Variants in PRRX1 observed in about 807,000 individuals in gnomAD.
The protein encoded by PRRX1 is paired mesoderm homeobox protein 1.
A neutral mutation model predicts 24.0 loss-of-function variants in PRRX1; 8 were observed. The observed-to-expected ratio is 0.33, with a 90% confidence interval of 0.20 to 0.60. The LOEUF is 0.60. PRRX1 is among the 20% of genes least tolerant of loss of function. The pLI is 0.82. For synonymous variants in PRRX1, 160 were observed against 131.7 expected (o/e 1.22, Z -1.47); for missense variants, 281 against 322.4 (o/e 0.87, Z 0.98).
chr1:170,723,156 T>G (rs916654427), intron 2 of PRRX1, among the ~76,000 whole-genome samples: 4 of 152,220 alleles, frequency 2.6e-5, no homozygotes, highest in Non-Finnish European at 4.4e-5. Context: ...AAGAGCAATG[T>G]GAAGGCACAT....
intron 1 of PRRX1, among the ~76,000 whole-genome samples, chr1:170,670,476 G>A (rs1375189200): frequency 6.6e-6 from 1 of 152,108 alleles, no homozygotes; most frequent in East Asian, 1.9e-4. Context: ...AGTCATTAGT[G>A]GTTCAGGGTT....
Position 170,664,159 on chromosome 1 carries a change from C to A in PRRX1, c.-60C>A. ...CGGCTCCTCTCCCCCCTCGCGCCCACAGCGTTTGGTGTTGATTCGAGCGGG... is the reference window on the plus strand; with the variant it reads ...CGGCTCCTCTCCCCCCTCGCGCCCAAAGCGTTTGGTGTTGATTCGAGCGGG... On this transcript the variant is annotated 5_prime_UTR_variant, in exon 1 of 4. Transcript: ENST00000239461. 3 of 1,551,662 alleles carry A rather than the reference C, an allele frequency of 1.9e-6. No individual in the cohort carries two copies. The highest frequency in any genetic ancestry group is 2.6e-6 in the Non-Finnish European group (3 of 1,146,652).
rs926806804 is a variant in PRRX1, at chr1:170,691,899, A to AG, written c.241+27444dup. Among the ~76,000 whole-genome samples, 122 of 152,202 alleles carry AG rather than the reference A, an allele frequency of 8.0e-4. 1 individual carries two copies. The highest frequency in any genetic ancestry group is 2.5e-4 in the Non-Finnish European group (17 of 68,000). On this transcript the variant is annotated intron_variant, in intron 1 of 3. Coordinates refer to ENST00000239461, the MANE Select transcript of PRRX1 (RefSeq NM_022716.4). The stretch of plus-strand genomic sequence containing the variant: ...CACTATGGGGCCTTCTGTTAGGGTG[A>AG]GGGGAAGCAGTGTTCTCTAAGCCTG...
chr1:170,688,533 C>T (rs747262460), intron 1 of PRRX1, among the ~76,000 whole-genome samples: 1 of 151,546 alleles, frequency 6.6e-6, no homozygotes, highest in Non-Finnish European at 1.5e-5. Context: ...ATTTATTTAC[C>T]AATAAAATTT....
intron 1 of PRRX1, among the ~76,000 whole-genome samples, chr1:170,680,358 T>A (rs1253014641): frequency 6.6e-6 from 1 of 152,140 alleles, no homozygotes; most frequent in African/African-American, 2.4e-5. Context: ...CTTGTAGAGA[T>A]GTGAAGGGGC....
At chr1:170,681,308 C>T (rs957010150) in intron 1 of PRRX1, among the ~76,000 whole-genome samples, 2 of 152,136 alleles carry the variant, frequency 1.3e-5, no homozygotes, top group African/African-American at 2.4e-5. Flanking sequence ...CTTGACCCCT[C>T]TGTTCTACTG....
At chr1:170,713,080 A>G (rs1037315996) in intron 1 of PRRX1, among the ~76,000 whole-genome samples, 3 of 152,194 alleles carry the variant, frequency 2.0e-5, no homozygotes, top group African/African-American at 7.2e-5. Context: ...TCATGAATAC[A>G]TTATTGTTAT....
intron 1 of PRRX1, among the ~76,000 whole-genome samples, chr1:170,674,279 T>C (rs1384422845): frequency 6.6e-6 from 1 of 152,164 alleles, no homozygotes; most frequent in Non-Finnish European, 1.5e-5. Context: ...TTTCCTATTG[T>C]TCCCTAGTAT....
intron 1 of PRRX1, among the ~76,000 whole-genome samples, chr1:170,687,779 A>G (rs1289270227): frequency 2.0e-5 from 3 of 152,198 alleles, no homozygotes; most frequent in African/African-American, 4.8e-5. Flanking sequence ...GTGTGGATAT[A>G]TCCTTGAAAT....
chr1:170,681,097 G>T (rs1653488710), intron 1 of PRRX1, among the ~76,000 whole-genome samples: 1 of 152,194 alleles, frequency 6.6e-6, no homozygotes. Flanking sequence ...CTAAAGGGAA[G>T]AAATTAAGGT....
intron 3 of PRRX1, chr1:170,728,556 T>G (rs1191973998): frequency 2.0e-5 from 3 of 152,232 alleles, no homozygotes; most frequent in Non-Finnish European, 4.4e-5. Context: ...TTTCTTGGTA[T>G]GCTTTTATAT....
intron 1 of PRRX1, among the ~76,000 whole-genome samples, chr1:170,681,692 T>C (rs1167306205): frequency 6.6e-6 from 1 of 152,148 alleles, no homozygotes; most frequent in Admixed American, 6.5e-5. Flanking sequence ...AAGTATGGCC[T>C]TGAACATGCC....
At chr1:170,685,563 A>G (rs1461799943) in intron 1 of PRRX1, among the ~76,000 whole-genome samples, 1 of 152,200 alleles carries the variant, frequency 6.6e-6, no homozygotes, top group African/African-American at 2.4e-5. Flanking sequence ...GGAGTCAGAA[A>G]ATCTAGATTT....
Position 170,736,931 on chromosome 1 carries a change from T to C in PRRX1, c.*745T>C, listed in dbSNP as rs963811728. 2 of 199,218 alleles carry C rather than the reference T, an allele frequency of 1.0e-5. No individual in the cohort carries two copies. The highest frequency in any genetic ancestry group is 6.0e-5 in the Admixed American group (1 of 16,538). 12.3% of individuals were successfully genotyped at this position (199,218 alleles called of 1,614,324 possible). A position where few individuals can be genotyped will look rare whatever the true frequency, so the allele number is the denominator to read the frequency against. ...TCACTATCACCACCACCCCTCACCC[T>C]ATGCAATCAATCAATCAATCATCTT... On this transcript the variant is annotated 3_prime_UTR_variant, in exon 4 of 4. Coordinates refer to ENST00000239461, the MANE Select transcript of PRRX1 (RefSeq NM_022716.4).
rs1363392269 is a variant in PRRX1, at chr1:170,664,200, G to C, written c.-19G>C. 1.9e-6 allele frequency: 3 copies of C among 1,603,428 alleles called. No homozygotes were observed. In the African/African-American group the frequency reaches 4.0e-5, roughly 21 times the overall value. ...TTCGAGCGGGAAGAGGGGGGTGGGTGGGATCGGTGGGGGAGACCATGACCT... is the reference window on the plus strand; with the variant it reads ...TTCGAGCGGGAAGAGGGGGGTGGGTCGGATCGGTGGGGGAGACCATGACCT... On this transcript the variant is annotated 5_prime_UTR_variant, in exon 1 of 4. Coordinates refer to ENST00000239461, the MANE Select transcript of PRRX1 (RefSeq NM_022716.4).
chr1:170,709,439 C>G (rs1477096155), intron 1 of PRRX1, among the ~76,000 whole-genome samples: 1 of 152,140 alleles, frequency 6.6e-6, no homozygotes, highest in African/African-American at 2.4e-5. Flanking sequence ...AATAATAGAT[C>G]AGCTGAGAAA....
chr1:170,671,547 G>C lies in PRRX1; in HGVS notation c.241+7088G>C, dbSNP rs1008607259. On this transcript the variant is annotated intron_variant, in intron 1 of 3. Coordinates refer to ENST00000239461, the MANE Select transcript of PRRX1 (RefSeq NM_022716.4). ...GCCGAAAGGGGGCGCGCTCCTCCCA[G>C]GCTGCGCTGGTACCTATCCTGCCTT... 3.9e-5 allele frequency among the ~76,000 whole-genome samples: 6 copies of C among 152,366 alleles called. No homozygotes were observed. In the East Asian group the frequency reaches 1.2e-3, roughly 29 times the overall value.
At chr1:170,697,775 C>A (rs1654222527) in intron 1 of PRRX1, among the ~76,000 whole-genome samples, 1 of 144,706 alleles carries the variant, frequency 6.9e-6, no homozygotes, top group African/African-American at 2.5e-5. Context: ...TAAATATATA[C>A]ATATAAAGAT....
At chr1:170,720,287 T>C (rs752244175) in intron 2 of PRRX1, among the ~76,000 whole-genome samples, 2 of 151,898 alleles carry the variant, frequency 1.3e-5, no homozygotes, top group Non-Finnish European at 2.9e-5. Context: ...CAAAAATAAA[T>C]AAACAAACAA....
Sources: gnomAD v4.1 joint callset for allele counts (sites outside exome capture counted in the v4.1 genomes callset) on GRCh38, gnomAD v4.1.1 for gene constraint, MANE v1.5 for transcripts, NCBI Gene and HGNC (gene_info 2026-07-23, HGNC 2026-07-21) for gene names.